MYBPH: variants seen among roughly 807,000 people sequenced by gnomAD.
MYBPH encodes myosin binding protein H, also known as myosin-binding protein H.
Under a neutral mutation model 53.6 loss-of-function variants are expected in MYBPH, and 49 were observed. The ratio of observed to expected loss-of-function variants is 0.91; its 90% CI spans 0.73 to 1.16. The LOEUF is 1.16. Ranked by LOEUF, MYBPH falls within the 50% of genes most tolerant of loss-of-function variation. The pLI is 0.00. For synonymous variants in MYBPH, 239 were observed against 249.6 expected (o/e 0.96, Z 0.40); for missense variants, 558 against 624.1 (o/e 0.89, Z 1.13).
At position 203,168,631 on chromosome 1, in the gene MYBPH, C is replaced by A; in HGVS notation, c.*28G>T. 1 of 1,532,388 alleles carries A rather than the reference C, an allele frequency of 6.5e-7. No homozygotes were observed. The highest frequency in any genetic ancestry group is 8.8e-7 in the Non-Finnish European group (1 of 1,140,342). The allele number at this position is 1,532,388 out of a possible 1,614,324, so 94.9% of individuals were successfully genotyped here. A position where few individuals can be genotyped will look rare whatever the true frequency, so the allele number is the denominator to read the frequency against. Reference sequence around the variant, plus strand: ...TGGGTGGGTCAGGCCATTTACCTGGCTCCTCATCACAGCCTCCTCCCGTGA... The same window carrying A: ...TGGGTGGGTCAGGCCATTTACCTGGATCCTCATCACAGCCTCCTCCCGTGA... On this transcript the variant is annotated 3_prime_UTR_variant, in exon 10 of 11. Coordinates refer to ENST00000255416, the MANE Select transcript of MYBPH (RefSeq NM_004997.3).
rs2642531 is a variant in MYBPH at position 203,174,597 on chromosome 1, G to T, written c.341C>A (p.Ala114Asp). 1 of 1,595,494 alleles carries T rather than the reference G, an allele frequency of 6.3e-7. No individual in the cohort carries two copies. The highest frequency in any genetic ancestry group is 1.1e-5 in the South Asian group (1 of 90,224). ...GYVLELCREG[A>D]SEWVPVSARP... is the part of the protein sequence containing the mutation. ...GGCACTCACAGGCACCCACTCCGAG[G>T]CTGAGGGGATGGAGAGAGTGTGAGG... Residue 114 changes from alanine (A) to aspartate (D), a missense_variant and splice_region_variant, in exon 3 of 11, where the codon GCC becomes GAC. By Grantham distance (126) the Ala-to-Asp change is moderately radical. Coordinates refer to ENST00000255416, the MANE Select transcript of MYBPH (RefSeq NM_004997.3).
At chr1:203,170,207 C>T (rs553521310) in intron 7 of MYBPH, 84 bp downstream of exon 7, 3 of 1,542,768 alleles carry the variant, frequency 1.9e-6, no homozygotes, top group South Asian at 2.5e-5. Context: ...CCAGGAGAAA[C>T]CCAGAGAGAG....
At chr1:203,168,404 C>T (rs553581215) in intron 10 of MYBPH, among the ~76,000 whole-genome samples, 2 of 152,316 alleles carry the variant, frequency 1.3e-5, no homozygotes, top group East Asian at 1.9e-4. Flanking sequence ...GGTTGTGTGG[C>T]GGTCCACGGA....
At position 203,174,430 on chromosome 1, in the gene MYBPH, C is replaced by G. The variant is rs370762242; in HGVS notation, c.508G>C (p.Glu170Gln). ...AGCTGAAGGCCAGGATGGGCTTTAC[C>G]AATGTTCTCTCGGATGTGGATGGGC... ...DQPIHIRENI[E>Q]APKIRVPRHL... The change falls in exon 3 of 11, where the codon GAG (glutamate) becomes CAG (glutamine). Residue 170 changes from glutamate to glutamine, a missense_variant and splice_region_variant. Glu to Gln is a conservative substitution (Grantham distance 29, BLOSUM62 2). Coordinates refer to ENST00000255416, the MANE Select transcript of MYBPH (RefSeq NM_004997.3). 3.8e-6 allele frequency: 6 copies of G among 1,581,956 alleles called. No individual in the cohort carries two copies. The African/African-American group carries it at 8.1e-5, about 21-fold the overall frequency.
chr1:203,174,655 A>G (rs1372796070), intron 2 of MYBPH, 58 bp from the exon 3 acceptor site: 4 of 1,411,476 alleles, frequency 2.8e-6, no homozygotes, highest in African/African-American at 1.4e-5. Flanking sequence ...GCCCCTCTCC[A>G]TGGGGCTTCT....
At chr1:203,175,893 G>T, upstream of MYBPH, 2 of 833,706 alleles carry the variant, frequency 2.4e-6, no homozygotes, top group Non-Finnish European at 3.7e-6. Context: ...ACGATTCCCA[G>T]CTGTGGGGTC....
chr1:203,168,977 G>A lies in MYBPH; in HGVS notation c.1346C>T (p.Ser449Phe), dbSNP rs767743002. ...TATGGCCTTGCAGGTGTAGACCCCA[G>A]AATCAAAGGGGCTGGGTTTCCGGAT... ...LEIRKPSPFD[S>F]GVYTCKAINV... Residue 449 changes from serine to phenylalanine, a missense_variant, in exon 9 of 11, where the codon TCT becomes TTT. By Grantham distance (155) the Ser-to-Phe change is radical. Coordinates refer to ENST00000255416, the MANE Select transcript of MYBPH (RefSeq NM_004997.3). The A allele has an allele frequency of 3.1e-6, 5 of 1,614,040 alleles. No homozygotes were observed. In the Admixed American group the frequency reaches 8.3e-5, roughly 27 times the overall value.
intron 7 of MYBPH, 96 bp downstream of exon 7, chr1:203,170,195 G>T (rs546125847): frequency 1.4e-6 from 2 of 1,475,222 alleles, no homozygotes; most frequent in South Asian, 2.6e-5. Context: ...AGGGGCAGAC[G>T]CCCAGGAGAA....
upstream of MYBPH, among the ~76,000 whole-genome samples, chr1:203,177,709 C>T (rs1287651501): frequency 6.6e-6 from 1 of 152,236 alleles, no homozygotes. Flanking sequence ...GAGAGCCTGT[C>T]CCCGGCTGGG....
At chr1:203,175,216 C>T in intron 2 of MYBPH, 111 bp downstream of exon 2, 3 of 1,336,888 alleles carry the variant, frequency 2.2e-6, no homozygotes, top group Non-Finnish European at 2.9e-6. Context: ...CTCGCATCCC[C>T]TCCTTCTGTA....
In MYBPH at chr1:203,172,010, A is replaced by T; in HGVS notation, c.539T>A (p.Leu180His). 7.6e-7 allele frequency: 1 copy of T among 1,321,160 alleles called. No homozygotes were observed. Among genetic ancestry groups the T allele is most frequent in the Non-Finnish European group, 9.7e-7 (1 of 1,027,304 alleles). 81.8% of individuals were successfully genotyped at this position (1,321,160 alleles called of 1,614,324 possible). The change falls in exon 4 of 11, where the codon CTC becomes CAC. Residue 180 changes from leucine (L) to histidine (H), a missense_variant. Leu to His is a moderately conservative substitution (Grantham distance 99). Transcript: ENST00000255416. The part of the protein sequence containing the change: ...EAPKIRVPRH[L>H]RQTYIRQVGE... ...CACCTGGCGGATGTAGGTCTGACGG[A>T]GGTGGCGGGGGACACGGATCTTGGG...
At chr1:203,168,873 C>T (rs1217566362) in intron 9 of MYBPH, 33 bp downstream of exon 9, 1 of 1,611,266 alleles carries the variant, frequency 6.2e-7, no homozygotes, top group East Asian at 2.2e-5. Context: ...CAGAGAGGTG[C>T]TTACTCCTGT....
intron 7 of MYBPH, 148 bp downstream of exon 7, chr1:203,170,143 T>C (rs781661417): frequency 2.6e-5 from 24 of 910,758 alleles, no homozygotes; most frequent in Non-Finnish European, 3.9e-5. Flanking sequence ...ACTCCATGTG[T>C]GTGTATGCAT....
rs752159452 is a variant in MYBPH, at chr1:203,175,799, G to A, written c.-44C>T. The stretch of plus-strand genomic sequence containing the variant: ...GCCAGGGTGGAGTGTGCAGGGGTCA[G>A]CCGTTGGGGGGCCTGGGCCTCTAGG... On this transcript the variant is annotated 5_prime_UTR_variant, in exon 1 of 11. Coordinates refer to ENST00000255416, the MANE Select transcript of MYBPH (RefSeq NM_004997.3). 1 of 1,600,964 alleles carries A rather than the reference G, an allele frequency of 6.2e-7. No individual in the cohort carries two copies. Among genetic ancestry groups the A allele is most frequent in the Admixed American group, 1.7e-5 (1 of 59,856 alleles).
At chr1:203,170,585 C>A in intron 6 of MYBPH, 135 bp from the exon 7 acceptor site, 1 of 1,195,436 alleles carries the variant, frequency 8.4e-7, no homozygotes, top group Non-Finnish European at 1.1e-6. Context: ...CTTTGGGCCT[C>A]AGGGACATTG....
intron 6 of MYBPH, among the ~76,000 whole-genome samples, chr1:203,170,770 G>A (rs933398339): frequency 6.6e-6 from 1 of 152,174 alleles, no homozygotes; most frequent in Non-Finnish European, 1.5e-5. Context: ...GTCAGACTCT[G>A]CCTCTTAGCA....
rs1655711469 is a variant in MYBPH at position 203,172,050 on chromosome 1, AG to A, written c.509-11del. On this transcript the variant is annotated splice_polypyrimidine_tract_variant and intron_variant, in intron 3 of 10. Transcript: ENST00000255416. ...CGGATCTTGGGGGCCTCTGGATCAA[AG>A]CAAGAGTCTGGGCTTAGCAGTGCAG... 1 of 1,310,772 alleles carries A rather than the reference AG, an allele frequency of 7.6e-7. No individual in the cohort carries two copies. Among genetic ancestry groups the A allele is most frequent in the South Asian group, 3.2e-5 (1 of 30,910 alleles). 81.2% of individuals were successfully genotyped at this position (1,310,772 alleles called of 1,614,324 possible).
At position 203,175,703 on chromosome 1, in the gene MYBPH, G is replaced by T. The variant is rs767869277; in HGVS notation, c.53C>A (p.Ala18Glu). The T allele has an allele frequency of 1.2e-6, 2 of 1,614,070 alleles. No homozygotes were observed. Among genetic ancestry groups the T allele is most frequent in the Non-Finnish European group, 1.7e-6 (2 of 1,180,000 alleles). ...EGPACSPEET[A>E]SESAKVPTAE... ...TGTGGGCACCTTGGCAGATTCAGATGCGGTCTCCTCTGGACTGCAGGCAGG... is the reference window on the plus strand; with the variant it reads ...TGTGGGCACCTTGGCAGATTCAGATTCGGTCTCCTCTGGACTGCAGGCAGG... Residue 18 changes from alanine to glutamate, a missense_variant, in exon 1 of 11, where the codon GCA (alanine) becomes GAA (glutamate). Coordinates refer to ENST00000255416, the MANE Select transcript of MYBPH (RefSeq NM_004997.3).
Position 203,175,508 on chromosome 1 carries a change from G to C in MYBPH, c.205+43C>G. The C allele has an allele frequency of 2.5e-6, 4 of 1,612,244 alleles. No individual in the cohort carries two copies. In the African/African-American group the frequency reaches 4.0e-5, roughly 16 times the overall value. On this transcript the variant is annotated intron_variant, in intron 1 of 10. Transcript: ENST00000255416. ...TGGCCAAGAGCTCCCCTCCACCCCT[G>C]ACATGCCTGCCTCCCTCCTCCCCCT...
Sources: allele counts gnomAD v4.1 joint callset (sites outside exome capture counted in the v4.1 genomes callset), GRCh38; gene constraint gnomAD v4.1.1; transcripts MANE v1.5; gene names NCBI Gene and HGNC (gene_info 2026-07-23, HGNC 2026-07-21).